The following FAT3 variants were observed in gnomAD, a reference collection of about 807,000 sequenced individuals.
FAT3 encodes protocadherin Fat 3.
In FAT3, 95 loss-of-function variants were observed where a neutral mutation model predicts 310.2. The observed-to-expected ratio is 0.31, with a 90% CI of 0.26 to 0.36. FAT3 has a LOEUF of 0.36. Among genes scored for constraint, FAT3 ranks in the 10% least tolerant of loss-of-function variants. The probability of loss-of-function intolerance (pLI) is 1.00; values close to 1 mark genes in which losing one functional copy is unlikely to be tolerated. For synonymous variants in FAT3, 2,314 were observed against 2,192.9 expected (o/e 1.06, Z -1.54); for missense variants, 5,408 against 5,715.6 (o/e 0.95, Z 1.74).
chr11:92,315,321 G>C (rs919583138), intron 1 of FAT3, among the ~76,000 whole-genome samples: 2 of 139,916 alleles, frequency 1.4e-5, no homozygotes, highest in East Asian at 3.9e-4. Flanking sequence ...GCAAATCAAA[G>C]CCTGAAACCA....
rs549922403 is a variant in FAT3, at chr11:92,532,834, A to T, written c.3607+7886A>T. Among the ~76,000 whole-genome samples the T allele has an allele frequency of 5.3e-5, 8 of 152,312 alleles. No individual in the cohort carries two copies. The East Asian group carries it at 1.5e-3, about 29-fold the overall frequency. ...ATATGTGGATTGTTTCATCATTGGAATGAAACAATCCACATTAGATGAATC... is the reference window on the plus strand; with the variant it reads ...ATATGTGGATTGTTTCATCATTGGATTGAAACAATCCACATTAGATGAATC... On this transcript the variant is annotated intron_variant, in intron 3 of 27. Coordinates refer to ENST00000525166, the MANE Select transcript of FAT3 (RefSeq NM_001367949.2).
chr11:92,350,445 G>T (rs1018574069), intron 1 of FAT3, among the ~76,000 whole-genome samples: 3 of 151,730 alleles, frequency 2.0e-5, no homozygotes, highest in Non-Finnish European at 4.4e-5. Flanking sequence ...GGCAGGGATG[G>T]GTTGTACTTT....
At chr11:92,790,287 C>T (rs531383830) in intron 8 of FAT3, 69 bp downstream of exon 8, 105 of 1,512,776 alleles carry the variant, frequency 6.9e-5, no homozygotes, top group Non-Finnish European at 8.9e-5. Flanking sequence ...CATTAGCCTT[C>T]AGAAGTATAG....
At chr11:92,710,354 A>G (rs1049843933) in intron 4 of FAT3, among the ~76,000 whole-genome samples, 3 of 152,188 alleles carry the variant, frequency 2.0e-5, no homozygotes, top group Non-Finnish European at 2.9e-5. Context: ...TTCATGGTAT[A>G]TGGCATTCTT....
At chr11:92,387,448 A>G (rs1031399538) in intron 2 of FAT3, among the ~76,000 whole-genome samples, 9 of 152,114 alleles carry the variant, frequency 5.9e-5, no homozygotes, top group African/African-American at 2.2e-4. Context: ...GACTGGGGCC[A>G]GGAACACTAG....
chr11:92,810,531 T>C (rs935324472), intron 13 of FAT3, among the ~76,000 whole-genome samples: 4 of 152,206 alleles, frequency 2.6e-5, no homozygotes, highest in Non-Finnish European at 5.9e-5. Context: ...CGATTTAATA[T>C]AGTGCCCCGT....
intron 19 of FAT3, among the ~76,000 whole-genome samples, chr11:92,847,520 G>A (rs560846734): frequency 6.6e-6 from 1 of 152,288 alleles, no homozygotes. Context: ...CTAGCAGAAT[G>A]ATCGCCAGCC....
intron 2 of FAT3, among the ~76,000 whole-genome samples, chr11:92,502,152 GA>G (rs1329059608): frequency 1.3e-5 from 2 of 152,054 alleles, no homozygotes; most frequent in Non-Finnish European, 2.9e-5. Flanking sequence ...AGCAAGGCAA[GA>G]AAAAATTACA....
chr11:92,331,428 C>T (rs1018043961), intron 1 of FAT3, among the ~76,000 whole-genome samples: 1 of 151,980 alleles, frequency 6.6e-6, no homozygotes, highest in Non-Finnish European at 1.5e-5. Context: ...GTGGCAGAAG[C>T]ACATGAAATG....
chr11:92,405,108 T>G (rs1950108504), intron 2 of FAT3, among the ~76,000 whole-genome samples: 2 of 152,092 alleles, frequency 1.3e-5, no homozygotes, highest in South Asian at 4.1e-4. Flanking sequence ...GTTCATTTTT[T>G]TCTGAATAAC....
intron 2 of FAT3, among the ~76,000 whole-genome samples, chr11:92,425,436 G>A (rs774701114): frequency 5.9e-5 from 9 of 152,018 alleles, no homozygotes; most frequent in South Asian, 2.1e-4. Flanking sequence ...CGTACAGAAC[G>A]TGCAGGTTTG....
At chr11:92,618,585 G>A (rs1385158109) in intron 3 of FAT3, among the ~76,000 whole-genome samples, 2 of 152,272 alleles carry the variant, frequency 1.3e-5, no homozygotes, top group South Asian at 4.1e-4. Flanking sequence ...GACTGGAGCT[G>A]TTCCTATTCG....
At chr11:92,728,760 A>G (rs889020322) in intron 4 of FAT3, among the ~76,000 whole-genome samples, 15 of 151,098 alleles carry the variant, frequency 9.9e-5, no homozygotes, top group African/African-American at 3.7e-4. Flanking sequence ...TGGAGCTTCA[A>G]GTAGCTGGCA....
intron 1 of FAT3, among the ~76,000 whole-genome samples, chr11:92,324,504 C>T (rs1565226891): frequency 6.6e-6 from 1 of 152,070 alleles, no homozygotes; most frequent in Non-Finnish European, 1.5e-5. Context: ...AGCAGTTAGA[C>T]CACAGTATTT....
At chr11:92,577,909 T>G (rs1378473924) in intron 3 of FAT3, among the ~76,000 whole-genome samples, 2 of 151,486 alleles carry the variant, frequency 1.3e-5, no homozygotes, top group Admixed American at 1.3e-4. Context: ...GAGATTGAGA[T>G]AGAGAAAATA....
At chr11:92,316,385 C>T (rs1310978105) in intron 1 of FAT3, among the ~76,000 whole-genome samples, 1 of 152,050 alleles carries the variant, frequency 6.6e-6, no homozygotes, top group African/African-American at 2.4e-5. Flanking sequence ...GAAATATATA[C>T]AAAATGCATA....
At chr11:92,717,168 T>G (rs1187139866) in intron 4 of FAT3, among the ~76,000 whole-genome samples, 7 of 152,200 alleles carry the variant, frequency 4.6e-5, no homozygotes, top group Non-Finnish European at 8.8e-5. Context: ...TTAGTTTCCT[T>G]CTTCACGTCA....
At position 92,837,723 on chromosome 11, in the gene FAT3, A is replaced by G. The variant is rs1278479217; in HGVS notation, c.10285A>G (p.Thr3429Ala). Residue 3429 changes from threonine (T) to alanine (A), a missense_variant, in exon 17 of 28, where the codon ACT becomes GCT. Transcript: ENST00000525166. ...CAGTGGCATTCCTGCAATGTCATCA[A>G]CTGCAACTGTCAACATTGATATTTC... ...VDSGIPAMSS[T>A]ATVNIDISDV... 1.2e-6 allele frequency: 2 copies of G among 1,613,860 alleles called. No homozygotes were observed. The highest frequency in any genetic ancestry group is 1.7e-6 in the Non-Finnish European group (2 of 1,179,884).
chr11:92,753,685 C>T (rs1945886825), intron 4 of FAT3, among the ~76,000 whole-genome samples: 2 of 151,694 alleles, frequency 1.3e-5, no homozygotes, highest in Admixed American at 6.6e-5. Flanking sequence ...ATGGAACTAC[C>T]ATATGAACCA....
Sources: allele counts gnomAD v4.1 joint callset (sites outside exome capture counted in the v4.1 genomes callset), GRCh38; gene constraint gnomAD v4.1.1; transcripts MANE v1.5; gene names NCBI Gene and HGNC (gene_info 2026-07-23, HGNC 2026-07-21).